The following MEIS1 variants were observed in gnomAD, a reference collection of about 807,000 sequenced individuals.
MEIS1 encodes the protein homeobox protein Meis1.
MEIS1 carries 5 observed loss-of-function variants against 50.8 expected under a neutral mutation model. That is an observed-to-expected ratio of 0.10 (90% CI 0.05 to 0.21). The LOEUF (loss-of-function observed/expected upper bound fraction) is 0.21. MEIS1 is among the 10% of genes least tolerant of loss of function. MEIS1 has a pLI of 1.00. For synonymous variants in MEIS1, 176 were observed against 179.3 expected (o/e 0.98, Z 0.15); for missense variants, 318 against 517.3 (o/e 0.61, Z 3.74).
intron 6 of MEIS1, among the ~76,000 whole-genome samples, chr2:66,444,115 T>C (rs1409367927): frequency 1.3e-5 from 2 of 152,134 alleles, no homozygotes; most frequent in African/African-American, 4.8e-5. Context: ...AACAGTTCCG[T>C]TGCGAATTGT....
intron 9 of MEIS1, among the ~76,000 whole-genome samples, chr2:66,562,586 T>C (rs1185284959): frequency 6.6e-6 from 1 of 152,116 alleles, no homozygotes; most frequent in Non-Finnish European, 1.5e-5. Flanking sequence ...GAGATTTTGC[T>C]CCCCTGCCAA....
intron 6 of MEIS1, among the ~76,000 whole-genome samples, chr2:66,451,470 T>C (rs1411195449): frequency 6.6e-6 from 1 of 152,094 alleles, no homozygotes; most frequent in Non-Finnish European, 1.5e-5. Context: ...AGAGTTTCCT[T>C]ATCCCATCTC....
chr2:66,540,971 A>G (rs1349562150), intron 8 of MEIS1, among the ~76,000 whole-genome samples: 3 of 152,044 alleles, frequency 2.0e-5, no homozygotes, highest in Non-Finnish European at 4.4e-5. Context: ...ATTGATATTT[A>G]GGAGAAATTA....
chr2:66,481,856 T>C (rs891127840), intron 7 of MEIS1, among the ~76,000 whole-genome samples: 29 of 144,708 alleles, frequency 2.0e-4, no homozygotes, highest in South Asian at 1.2e-3. Context: ...ATTTCTTTTT[T>C]TTTTTTTTTT....
rs567829561 is a variant in MEIS1, at chr2:66,465,506, G to C, written c.742+1286G>C. On this transcript the variant is annotated intron_variant, in intron 7 of 12. Transcript: ENST00000272369. ...TGCTGTTCAGAGTGCTATAGTTAAGGTGGTGTCAGCACTTTCAATATAAAG... is the reference window on the plus strand; with the variant it reads ...TGCTGTTCAGAGTGCTATAGTTAAGCTGGTGTCAGCACTTTCAATATAAAG... Among the ~76,000 whole-genome samples, 30 of 152,244 alleles carry C rather than the reference G, an allele frequency of 2.0e-4. No individual in the cohort carries two copies. The South Asian group carries it at 2.7e-3, about 14-fold the overall frequency.
chr2:66,473,397 A>AAAAAAATATATAT, intron 7 of MEIS1, among the ~76,000 whole-genome samples: 1 of 107,614 alleles, frequency 9.3e-6, no homozygotes, highest in African/African-American at 5.8e-5. Context: ...AAAAAAAAAA[A>AAAAAAATATATAT]ATATATATAT....
chr2:66,531,323 CAAAGA>C (rs1284425067), intron 8 of MEIS1, among the ~76,000 whole-genome samples: 1 of 152,144 alleles, frequency 6.6e-6, no homozygotes, highest in African/African-American at 2.4e-5. Flanking sequence ...TCACCATATA[CAAAGA>C]ACAGTTAGCT....
chr2:66,474,205 G>A (rs971138784), intron 7 of MEIS1, among the ~76,000 whole-genome samples: 5 of 151,878 alleles, frequency 3.3e-5, no homozygotes, highest in Non-Finnish European at 5.9e-5. Flanking sequence ...CTTGTTCTCC[G>A]TACTCCTACC....
At chr2:66,448,597 T>G (rs1334082583) in intron 6 of MEIS1, among the ~76,000 whole-genome samples, 2 of 152,184 alleles carry the variant, frequency 1.3e-5, no homozygotes, top group Non-Finnish European at 2.9e-5. Flanking sequence ...TATTCTCATA[T>G]TGGTAATGTT....
intron 6 of MEIS1, among the ~76,000 whole-genome samples, chr2:66,462,132 C>T (rs1573144941): frequency 1.3e-5 from 2 of 152,226 alleles, no homozygotes; most frequent in African/African-American, 4.8e-5. Context: ...GGACAGCTTC[C>T]TGTATAACAA....
chr2:66,439,553 G>A (rs1671896514), intron 2 of MEIS1: 2 of 1,514,204 alleles, frequency 1.3e-6, no homozygotes, highest in Admixed American at 4.2e-5. Flanking sequence ...TGCTGGAAAC[G>A]CTTGGGTTTT....
At chr2:66,557,517 A>C (rs2284707) in intron 9 of MEIS1, among the ~76,000 whole-genome samples, 47,591 of 152,016 alleles carry the variant, frequency 0.31, 7,817 homozygotes, top group East Asian at 0.56. Context: ...CATTTCACCA[A>C]TGTGATCATG....
chr2:66,565,947 T>G (rs925026283), intron 9 of MEIS1, among the ~76,000 whole-genome samples: 1 of 152,196 alleles, frequency 6.6e-6, no homozygotes, highest in Non-Finnish European at 1.5e-5. Context: ...TTTCACATGG[T>G]GTTTGTGCTA....
In MEIS1 at chr2:66,571,725, AAG is replaced by A; in HGVS notation, c.*521_*522del. ...ATGCTAAATAACTATATAAGACATT[AAG>A]AGAACAAAGAGTGAAATATTGTAAA... On this transcript the variant is annotated 3_prime_UTR_variant, in exon 13 of 13. Transcript: ENST00000272369. The A allele has an allele frequency of 1.7e-6, 1 of 588,360 alleles. No homozygotes were observed. Among genetic ancestry groups the A allele is most frequent in the Middle Eastern group, 4.4e-4 (1 of 2,254 alleles). The allele number at this position is 588,360 out of a possible 1,614,324, so 36.4% of individuals were successfully genotyped here.
chr2:66,437,282 CTT>C (rs75658376), intron 1 of MEIS1: 73 of 143,180 alleles, frequency 5.1e-4, no homozygotes, highest in South Asian at 6.7e-4. Context: ...CCCATCGTAA[CTT>C]TTTTTTTTTT....
At chr2:66,445,301 G>C (rs1196177813) in intron 6 of MEIS1, 1 of 152,354 alleles carries the variant, frequency 6.6e-6, no homozygotes, top group East Asian at 1.9e-4. Flanking sequence ...CCCAAGGTCC[G>C]GTTTGGAGAG....
At chr2:66,446,942 C>G (rs553306812) in intron 6 of MEIS1, among the ~76,000 whole-genome samples, 5 of 152,302 alleles carry the variant, frequency 3.3e-5, no homozygotes, top group Admixed American at 1.3e-4. Flanking sequence ...GTTTCTGAAG[C>G]AGAGTTTGGC....
At chr2:66,467,235 A>G (rs968986533) in intron 7 of MEIS1, among the ~76,000 whole-genome samples, 1 of 152,224 alleles carries the variant, frequency 6.6e-6, no homozygotes, top group Non-Finnish European at 1.5e-5. Context: ...AATTTGCTGA[A>G]TTAGTAGCTG....
At chr2:66,553,005 A>G (rs955301896) in intron 9 of MEIS1, among the ~76,000 whole-genome samples, 1 of 152,208 alleles carries the variant, frequency 6.6e-6, no homozygotes, top group East Asian at 1.9e-4. Flanking sequence ...ATAAAGTTAA[A>G]CAGAGGTATG....
Sources: allele counts gnomAD v4.1 joint callset (sites outside exome capture counted in the v4.1 genomes callset), GRCh38; gene constraint gnomAD v4.1.1; transcripts MANE v1.5; gene names NCBI Gene and HGNC (gene_info 2026-07-23, HGNC 2026-07-21).